Variants in PLD5 observed in about 807,000 individuals in gnomAD.
The protein encoded by PLD5 is inactive phospholipase D5.
Under a neutral mutation model 61.1 loss-of-function variants are expected in PLD5, and 36 were observed. That is an observed-to-expected ratio of 0.59 (90% CI 0.45 to 0.78). The LOEUF (loss-of-function observed/expected upper bound fraction) is 0.78, where lower values mean the gene tolerates loss of function less well. PLD5 is among the 30% of genes least tolerant of loss of function. PLD5 has a pLI of 0.00. For missense variants in PLD5, 515 were observed against 644.4 expected, an observed-to-expected ratio of 0.80 and a Z score of 2.17; for synonymous variants, 243 against 242.8, an observed-to-expected ratio of 1.00 and a Z score of -0.01.
At chr1:242,320,040 A>G (rs1054894606) in intron 2 of PLD5, among the ~76,000 whole-genome samples, 1 of 152,098 alleles carries the variant, frequency 6.6e-6, no homozygotes. Flanking sequence ...GATTTTTCCT[A>G]TGATTTTGTG....
At chr1:242,451,266 G>C (rs1666766504) in intron 1 of PLD5, among the ~76,000 whole-genome samples, 2 of 152,118 alleles carry the variant, frequency 1.3e-5, no homozygotes, top group Admixed American at 6.5e-5. Flanking sequence ...CCTTCAGAAA[G>C]AGTTCCCTGA....
At chr1:242,499,032 A>AT (rs1668468206) in intron 1 of PLD5, among the ~76,000 whole-genome samples, 1 of 152,186 alleles carries the variant, frequency 6.6e-6, no homozygotes. Context: ...ATGCTACCAA[A>AT]TTAGTGGACA....
intron 1 of PLD5, among the ~76,000 whole-genome samples, chr1:242,352,442 ATTC>A (rs1482537417): frequency 6.6e-6 from 1 of 152,170 alleles, no homozygotes; most frequent in Non-Finnish European, 1.5e-5. Flanking sequence ...TCAAAACTCC[ATTC>A]ATCTGTTGAT....
chr1:242,177,571 T>A (rs1407630587), intron 5 of PLD5, among the ~76,000 whole-genome samples: 2 of 151,986 alleles, frequency 1.3e-5, no homozygotes, highest in South Asian at 2.1e-4. Context: ...ATAAAAAAAA[T>A]TTGCACTGAA....
intron 5 of PLD5, among the ~76,000 whole-genome samples, chr1:242,153,251 C>T (rs1306233051): frequency 6.6e-6 from 1 of 151,900 alleles, no homozygotes; most frequent in Non-Finnish European, 1.5e-5. Flanking sequence ...TGGATATTAG[C>T]CCTTTGTCAG....
chr1:242,255,574 G>A (rs1411464735), intron 4 of PLD5, among the ~76,000 whole-genome samples: 1 of 152,184 alleles, frequency 6.6e-6, no homozygotes, highest in Non-Finnish European at 1.5e-5. Context: ...TTGTGCACAT[G>A]TACCCTAAAA....
intron 4 of PLD5, among the ~76,000 whole-genome samples, chr1:242,233,587 G>A (rs968145538): frequency 2.6e-5 from 4 of 152,044 alleles, no homozygotes; most frequent in Admixed American, 2.0e-4. Context: ...AGGGAGGGAG[G>A]GCTGGCGGCA....
chr1:242,204,477 G>T (rs1176568297), intron 5 of PLD5, among the ~76,000 whole-genome samples: 4 of 152,092 alleles, frequency 2.6e-5, no homozygotes, highest in Non-Finnish European at 5.9e-5. Context: ...CTGCTGACCA[G>T]GTCATATGTT....
At chr1:242,218,433 A>G (rs933770509) in intron 5 of PLD5, among the ~76,000 whole-genome samples, 1 of 152,192 alleles carries the variant, frequency 6.6e-6, no homozygotes, top group Admixed American at 6.5e-5. Context: ...TCTTTGCTGT[A>G]TGTCTATAGA....
intron 5 of PLD5, among the ~76,000 whole-genome samples, chr1:242,167,338 T>C (rs1212820075): frequency 1.3e-5 from 2 of 150,898 alleles, no homozygotes; most frequent in African/African-American, 4.9e-5. Flanking sequence ...TGGCAGGGAG[T>C]GAAGGAGGAG....
In PLD5 at chr1:242,107,774, C is replaced by T. The variant is rs147447408; in HGVS notation, c.1136G>A (p.Arg379Gln). ...TTCCTTCCAGAAGCTTAAAAGGAGT[C>T]GAACTCTAACGCTTCGTAAAACTAA... ...EALVLRSVRVRLLLSFWKETD... is the reference protein window; with the variant it reads ...EALVLRSVRVQLLLSFWKETD... The change falls in exon 8 of 10, where the codon CGA becomes CAA. Residue 379 changes from arginine (R) to glutamine (Q), a missense_variant. Physicochemically the swap from Arg to Gln is conservative, Grantham distance 43. Around this residue, in one of 2 missense-constraint regions of PLD5, gnomAD observed 450 missense variants for 598.1 expected, o/e 0.75. Transcript: ENST00000536534. 40 of 1,612,622 alleles carry T rather than the reference C, an allele frequency of 2.5e-5. No individual in the cohort carries two copies. The highest frequency in any genetic ancestry group is 3.4e-5 in the Admixed American group (2 of 59,652).
intron 1 of PLD5, among the ~76,000 whole-genome samples, chr1:242,407,586 GAGTTTTGCTCTGTCACCC>G (rs1328167018): frequency 1.4e-4 from 20 of 147,392 alleles, no homozygotes; most frequent in South Asian, 6.5e-4. Context: ...TTTTGAGACG[GAGTTTTGCTCTGTCACCC>G]AGTTTTGCTC....
chr1:242,395,162 T>A (rs1663496139), intron 1 of PLD5, among the ~76,000 whole-genome samples: 1 of 149,788 alleles, frequency 6.7e-6, no homozygotes, highest in African/African-American at 2.4e-5. Context: ...ATTCCTAAAA[T>A]TTTTAAAAAT....
rs897799684 is a variant in PLD5 at position 242,377,403 on chromosome 1, T to C, written c.190-29161A>G. On this transcript the variant is annotated intron_variant, in intron 1 of 9. Transcript: ENST00000536534. ...CAAAACTGGTTCTTCTAACTTCCGC[T>C]TGGGACTGGGGACCTTGGTGTCTTC... The C allele has an allele frequency of 7.9e-5, 96 of 1,217,416 alleles. No homozygotes were observed. In the Admixed American group the frequency reaches 1.6e-3, roughly 20 times the overall value. The allele number at this position is 1,217,416 out of a possible 1,614,324, so 75.4% of individuals were successfully genotyped here. A position where few individuals can be genotyped will look rare whatever the true frequency, so the allele number is the denominator to read the frequency against.
intron 5 of PLD5, among the ~76,000 whole-genome samples, chr1:242,139,743 G>A (rs1348943124): frequency 6.6e-6 from 1 of 152,184 alleles, no homozygotes; most frequent in Non-Finnish European, 1.5e-5. Flanking sequence ...AGGACAGGGA[G>A]AGATGTCCTG....
At chr1:242,307,360 T>TGAC (rs1676436619) in intron 2 of PLD5, among the ~76,000 whole-genome samples, 1 of 81,678 alleles carries the variant, frequency 1.2e-5, no homozygotes, top group Non-Finnish European at 3.0e-5. Flanking sequence ...GTGATGATGA[T>TGAC]GGTGATGATG....
At chr1:242,134,973 G>A (rs937327304) in intron 5 of PLD5, among the ~76,000 whole-genome samples, 1 of 152,212 alleles carries the variant, frequency 6.6e-6, no homozygotes, top group Non-Finnish European at 1.5e-5. Context: ...AAAGTTTTAT[G>A]TGTCTTAGTG....
intron 5 of PLD5, among the ~76,000 whole-genome samples, chr1:242,217,917 TGTG>T (rs1257562768): frequency 6.6e-6 from 1 of 152,252 alleles, no homozygotes; most frequent in Non-Finnish European, 1.5e-5. Context: ...GTGAATATGC[TGTG>T]AACATTGTTG....
chr1:242,130,491 G>C (rs1261203115), intron 5 of PLD5, among the ~76,000 whole-genome samples: 3 of 152,188 alleles, frequency 2.0e-5, no homozygotes, highest in Non-Finnish European at 4.4e-5. Context: ...GGATCGAATG[G>C]TAATTCTATT....
Sources: allele counts gnomAD v4.1 joint callset (sites outside exome capture counted in the v4.1 genomes callset), GRCh38; gene constraint gnomAD v4.1.1; regional missense constraint gnomAD v4.1.1; transcripts MANE v1.5; gene names NCBI Gene and HGNC (gene_info 2026-07-23, HGNC 2026-07-21).